TTC27: variants seen among roughly 807,000 people sequenced by gnomAD.
TTC27 encodes tetratricopeptide repeat domain 27, also known as tetratricopeptide repeat protein 27.
A neutral mutation model predicts 115.9 loss-of-function variants in TTC27; 79 were observed. The observed-to-expected ratio is 0.68, with a 90% CI of 0.57 to 0.82. The LOEUF is 0.82. Ranked by LOEUF, TTC27 falls within the 40% of genes least tolerant of loss-of-function variation. The pLI is 0.00. For synonymous variants in TTC27, 401 were observed against 356.0 expected (o/e 1.13, Z -1.42); for missense variants, 1,054 against 993.1 (o/e 1.06, Z -0.82).
At chr2:32,698,737 C>T (rs1280485843) in intron 9 of TTC27, among the ~76,000 whole-genome samples, 1 of 152,052 alleles carries the variant, frequency 6.6e-6, no homozygotes, top group Non-Finnish European at 1.5e-5. Context: ...GCCTCGGCCT[C>T]CCAAAGTGCT....
intron 9 of TTC27, among the ~76,000 whole-genome samples, chr2:32,681,670 A>G (rs1666429821): frequency 6.6e-6 from 1 of 150,742 alleles, no homozygotes; most frequent in Admixed American, 6.6e-5. Context: ...TTTTTTATAA[A>G]ATAGGCTCAG....
In TTC27 at chr2:32,777,894, T is replaced by A. The variant is rs1670050055; in HGVS notation, c.1693T>A (p.Phe565Ile). 1.2e-6 allele frequency: 2 copies of A among 1,613,990 alleles called. No homozygotes were observed. The highest frequency in any genetic ancestry group is 1.7e-6 in the Non-Finnish European group (2 of 1,180,014). The change falls in exon 14 of 20, where the codon TTT (phenylalanine) becomes ATT (isoleucine). Residue 565 changes from phenylalanine to isoleucine, a missense_variant. Phe to Ile is a conservative substitution (Grantham distance 21). Coordinates refer to ENST00000317907, the MANE Select transcript of TTC27 (RefSeq NM_017735.5). ...KINPMQLGVW[F>I]SLGCAYLALE... ...TTGGTCTTTGCAGCTCGGGGTGTGG[T>A]TTTCTCTCGGTTGTGCCTATTTGGC...
intron 10 of TTC27, among the ~76,000 whole-genome samples, chr2:32,723,970 G>GTTTTTTTTTTTTTTTTTTTTTTTT (rs1668025651): frequency 1.5e-5 from 1 of 66,286 alleles, no homozygotes; most frequent in Non-Finnish European, 3.1e-5. Flanking sequence ...GCATACATAA[G>GTTTTTTTTTTTTTTTTTTTTTTTT]CTTTTTTTTT....
At chr2:32,782,981 G>C (rs564493750) in intron 15 of TTC27, among the ~76,000 whole-genome samples, 2 of 152,106 alleles carry the variant, frequency 1.3e-5, no homozygotes, top group Admixed American at 6.5e-5. Flanking sequence ...CATATGTTTA[G>C]TTGGTCAACT....
intron 10 of TTC27, among the ~76,000 whole-genome samples, chr2:32,726,783 T>A (rs900088268): frequency 3.3e-5 from 5 of 152,164 alleles, no homozygotes; most frequent in African/African-American, 1.2e-4. Context: ...GATAAAGACA[T>A]GCCCAAGACT....
intron 8 of TTC27, among the ~76,000 whole-genome samples, chr2:32,675,751 T>C (rs1434423263): frequency 6.6e-6 from 1 of 152,038 alleles, no homozygotes; most frequent in Non-Finnish European, 1.5e-5. Flanking sequence ...TTAGGCTGGG[T>C]TGGTTTGGAA....
chr2:32,707,963 C>CA (rs577901049), intron 10 of TTC27, among the ~76,000 whole-genome samples: 3,492 of 141,204 alleles, frequency 0.025, 55 homozygotes, highest in South Asian at 0.055. Flanking sequence ...TACTTAACAA[C>CA]AAAAAAAAAA....
At chr2:32,645,167 G>T (rs1664808161) in intron 4 of TTC27, among the ~76,000 whole-genome samples, 1 of 152,100 alleles carries the variant, frequency 6.6e-6, no homozygotes, top group Admixed American at 6.6e-5. Flanking sequence ...TTATTTTTGT[G>T]AAATTATAGA....
rs369223065 is a variant in TTC27, at chr2:32,762,929, C to T, written c.1680+4410C>T. On this transcript the variant is annotated intron_variant, in intron 13 of 19. Transcript: ENST00000317907. ...TGCTGGGATTACAGGCGTGAGCCACCGCGCTCAGCCCAATAGCCTAGTTTT... is the reference window on the plus strand; with the variant it reads ...TGCTGGGATTACAGGCGTGAGCCACTGCGCTCAGCCCAATAGCCTAGTTTT... Among the ~76,000 whole-genome samples, 44 of 152,250 alleles carry T rather than the reference C, an allele frequency of 2.9e-4. 1 individual carries two copies. The highest frequency in any genetic ancestry group is 8.9e-4 in the African/African-American group (37 of 41,542).
intron 10 of TTC27, among the ~76,000 whole-genome samples, chr2:32,730,090 C>G (rs954745842): frequency 2.6e-5 from 4 of 152,190 alleles, no homozygotes; most frequent in African/African-American, 9.7e-5. Flanking sequence ...GCTTCACGTG[C>G]ATTCAGTCCC....
chr2:32,739,192 T>C (rs1300929742), intron 12 of TTC27, among the ~76,000 whole-genome samples: 1 of 152,230 alleles, frequency 6.6e-6, no homozygotes, highest in Admixed American at 6.5e-5. Flanking sequence ...TCCAGTCTGA[T>C]GTAGTTCCCA....
intron 8 of TTC27, among the ~76,000 whole-genome samples, chr2:32,674,215 A>G (rs1666114311): frequency 6.7e-6 from 1 of 150,116 alleles, no homozygotes; most frequent in Non-Finnish European, 1.5e-5. Flanking sequence ...CAGTGGCGCG[A>G]TCTCGGCTCA....
At chr2:32,790,043 T>TA (rs143674843) in intron 16 of TTC27, among the ~76,000 whole-genome samples, 8,844 of 150,050 alleles carry the variant, frequency 0.059, 425 homozygotes, top group African/African-American at 0.14. Flanking sequence ...AAAAAAAATC[T>TA]AAAAAAAATA....
At chr2:32,735,103 C>T (rs897503660) in intron 11 of TTC27, among the ~76,000 whole-genome samples, 2 of 152,134 alleles carry the variant, frequency 1.3e-5, no homozygotes, top group African/African-American at 4.8e-5. Context: ...ACCATCCAAT[C>T]GTTTAAAATC....
chr2:32,674,235 C>G (rs1220091661), intron 8 of TTC27, among the ~76,000 whole-genome samples: 1 of 151,490 alleles, frequency 6.6e-6, no homozygotes, highest in African/African-American at 2.4e-5. Flanking sequence ...ACTGCAACCT[C>G]CGCCTCCCAG....
At chr2:32,751,279 C>CAA (rs1358175830) in intron 12 of TTC27, among the ~76,000 whole-genome samples, 1 of 151,152 alleles carries the variant, frequency 6.6e-6, no homozygotes, top group Non-Finnish European at 1.5e-5. Flanking sequence ...CACACACACA[C>CAA]ACACACACAC....
intron 5 of TTC27, among the ~76,000 whole-genome samples, chr2:32,660,765 T>C (rs1377033486): frequency 6.6e-6 from 1 of 152,060 alleles, no homozygotes; most frequent in Non-Finnish European, 1.5e-5. Context: ...AGAAGCTCTT[T>C]AGTTTAATTA....
chr2:32,707,991 A>G (rs948838436), intron 10 of TTC27, among the ~76,000 whole-genome samples: 6 of 152,184 alleles, frequency 3.9e-5, no homozygotes, highest in Non-Finnish European at 8.8e-5. Flanking sequence ...AGGTATGTCA[A>G]AAGGACACAG....
At chr2:32,790,740 C>T (rs533245578) in intron 16 of TTC27, among the ~76,000 whole-genome samples, 24 of 150,462 alleles carry the variant, frequency 1.6e-4, no homozygotes, top group African/African-American at 4.1e-4. Context: ...CCCACCCTGA[C>T]GCTAGTGACC....
Sources: gnomAD v4.1 joint callset for allele counts (sites outside exome capture counted in the v4.1 genomes callset) on GRCh38, gnomAD v4.1.1 for gene constraint, MANE v1.5 for transcripts, NCBI Gene and HGNC (gene_info 2026-07-23, HGNC 2026-07-21) for gene names.